ASIC2: variants seen among roughly 807,000 people sequenced by gnomAD.
The protein encoded by ASIC2 is acid-sensing ion channel 2.
ASIC2 carries 25 observed loss-of-function variants against 57.3 expected under a neutral mutation model. The ratio of observed to expected loss-of-function variants is 0.44; its 90% CI spans 0.32 to 0.61. The LOEUF (loss-of-function observed/expected upper bound fraction) is 0.61, where lower values mean the gene tolerates loss of function less well. Ranked by LOEUF, ASIC2 falls within the 20% of genes least tolerant of loss-of-function variation. The pLI, the probability that ASIC2 is intolerant of heterozygous loss-of-function variation, is 0.06. For missense variants in ASIC2, 641 were observed against 738.1 expected, an observed-to-expected ratio of 0.87 and a Z score of 1.52; for synonymous variants, 319 against 307.5, an observed-to-expected ratio of 1.04 and a Z score of -0.39.
chr17:33,613,173 C>T (rs766145497), intron 1 of ASIC2, among the ~76,000 whole-genome samples: 6 of 152,064 alleles, frequency 3.9e-5, no homozygotes, highest in African/African-American at 1.4e-4. Context: ...ACATGGACTA[C>T]GATTTCCCGG....
chr17:33,429,868 A>AG (rs990850863), intron 1 of ASIC2, among the ~76,000 whole-genome samples: 15 of 152,176 alleles, frequency 9.9e-5, no homozygotes, highest in African/African-American at 3.6e-4. Flanking sequence ...ACCATGGCTA[A>AG]GGGGGGTGGC....
intron 1 of ASIC2, among the ~76,000 whole-genome samples, chr17:33,776,680 G>C (rs1911291286): frequency 6.6e-6 from 1 of 152,174 alleles, no homozygotes; most frequent in African/African-American, 2.4e-5. Flanking sequence ...GGGGGGTCCA[G>C]TGTGGTGCTG....
At position 33,779,725 on chromosome 17, in the gene ASIC2, A is replaced by G. The variant is rs187338260; in HGVS notation, c.555+376253T>C. ...GGGTTTTAGTGGGATAATAATAACAACAGCAAAACAACAGCAGCAGCAACT... is the reference window on the plus strand; with the variant it reads ...GGGTTTTAGTGGGATAATAATAACAGCAGCAAAACAACAGCAGCAGCAACT... On this transcript the variant is annotated intron_variant, in intron 1 of 9. Transcript: ENST00000359872. Among the ~76,000 whole-genome samples the G allele has an allele frequency of 2.4e-4, 36 of 152,316 alleles. No individual in the cohort carries two copies. In the East Asian group the frequency reaches 4.1e-3, roughly 17 times the overall value.
In ASIC2 at chr17:33,998,196, C is replaced by T. The variant is rs143954386; in HGVS notation, c.555+157782G>A. Among the ~76,000 whole-genome samples the T allele has an allele frequency of 3.9e-5, 6 of 152,142 alleles. No homozygotes were observed. In the East Asian group the frequency reaches 1.2e-3, roughly 29 times the overall value. On this transcript the variant is annotated intron_variant, in intron 1 of 9. Coordinates refer to the ASIC2 transcript ENST00000359872. ...TTGGCATGTAATTGCTCATAGTACTCCCTTATGATCCTTTGTATTTCTGCA... is the reference window on the plus strand; with the variant it reads ...TTGGCATGTAATTGCTCATAGTACTTCCTTATGATCCTTTGTATTTCTGCA...
chr17:33,777,123 G>A (rs948043409), intron 1 of ASIC2, among the ~76,000 whole-genome samples: 1 of 152,188 alleles, frequency 6.6e-6, no homozygotes, highest in Non-Finnish European at 1.5e-5. Context: ...GTAAGCTGGC[G>A]CCCGCTGATC....
chr17:33,206,668 C>T (rs1352269258), intron 1 of ASIC2, among the ~76,000 whole-genome samples: 1 of 152,010 alleles, frequency 6.6e-6, no homozygotes, highest in Non-Finnish European at 1.5e-5. Context: ...CTTCCATGGC[C>T]CTGGTCTCTG....
chr17:33,108,880 C>A (rs951971390), intron 2 of ASIC2, among the ~76,000 whole-genome samples: 1 of 151,158 alleles, frequency 6.6e-6, no homozygotes, highest in Non-Finnish European at 1.5e-5. Flanking sequence ...TAGTATGACC[C>A]GAGGAATATG....
At chr17:33,503,268 T>A (rs2141943374) in intron 1 of ASIC2, among the ~76,000 whole-genome samples, 1 of 152,348 alleles carries the variant, frequency 6.6e-6, no homozygotes, top group Middle Eastern at 3.4e-3. Flanking sequence ...CAAGTGGGTT[T>A]ATTACAGGCA....
intron 1 of ASIC2, among the ~76,000 whole-genome samples, chr17:33,724,580 C>T (rs1909487648): frequency 6.6e-6 from 1 of 152,078 alleles, no homozygotes; most frequent in Admixed American, 6.5e-5. Flanking sequence ...GATGGGATGC[C>T]AGGACAATTG....
intron 1 of ASIC2, among the ~76,000 whole-genome samples, chr17:33,483,875 C>A (rs1913493178): frequency 6.6e-6 from 1 of 152,144 alleles, no homozygotes; most frequent in Admixed American, 6.5e-5. Flanking sequence ...CATTAAAGAT[C>A]TTGCCATGGG....
chr17:33,634,519 T>C (rs1010663757), intron 1 of ASIC2, among the ~76,000 whole-genome samples: 8 of 145,430 alleles, frequency 5.5e-5, no homozygotes, highest in Admixed American at 3.4e-4. Context: ...TTTTTCTTTT[T>C]TTTTTTTTTT....
chr17:34,012,585 G>T (rs976817099), intron 1 of ASIC2, among the ~76,000 whole-genome samples: 2 of 152,106 alleles, frequency 1.3e-5, no homozygotes, highest in African/African-American at 2.4e-5. Context: ...CCTTTAGAAA[G>T]GGTTAAATGC....
intron 1 of ASIC2, among the ~76,000 whole-genome samples, chr17:33,948,856 A>G (rs923187417): frequency 1.1e-4 from 16 of 152,342 alleles, no homozygotes; most frequent in African/African-American, 3.8e-4. Flanking sequence ...GAAGGCAATG[A>G]CTTATAGCAG....
chr17:33,210,161 C>G (rs114909291), intron 1 of ASIC2, among the ~76,000 whole-genome samples: 1 of 152,178 alleles, frequency 6.6e-6, no homozygotes, highest in Admixed American at 6.5e-5. Flanking sequence ...ACCTCACAGA[C>G]ACCAGTGGAG....
chr17:33,392,647 C>A (rs943419856), intron 1 of ASIC2, among the ~76,000 whole-genome samples: 2 of 152,130 alleles, frequency 1.3e-5, no homozygotes, highest in African/African-American at 4.8e-5. Flanking sequence ...ATTATTACTT[C>A]TTCCACGGTG....
chr17:33,840,669 A>T (rs1055563034), intron 1 of ASIC2, among the ~76,000 whole-genome samples: 2 of 152,142 alleles, frequency 1.3e-5, no homozygotes, highest in African/African-American at 4.8e-5. Context: ...GTTTTAAGTA[A>T]GCTTTTGTTC....
At chr17:33,815,742 A>G (rs778797758) in intron 1 of ASIC2, among the ~76,000 whole-genome samples, 33 of 152,186 alleles carry the variant, frequency 2.2e-4, no homozygotes, top group Non-Finnish European at 4.7e-4. Context: ...TGTCCTTGCC[A>G]TTTCCATAGA....
intron 1 of ASIC2, among the ~76,000 whole-genome samples, chr17:33,844,792 G>A (rs1025477235): frequency 1.3e-5 from 2 of 152,126 alleles, no homozygotes; most frequent in South Asian, 4.2e-4. Context: ...GATTATATTA[G>A]CTACCAATAT....
At chr17:33,698,916 C>G (rs1908612209) in intron 1 of ASIC2, among the ~76,000 whole-genome samples, 1 of 152,072 alleles carries the variant, frequency 6.6e-6, no homozygotes, top group Non-Finnish European at 1.5e-5. Flanking sequence ...CAGATGCCCC[C>G]CCTCTGCTTT....
Sources: allele counts gnomAD v4.1 joint callset (sites outside exome capture counted in the v4.1 genomes callset), GRCh38; gene constraint gnomAD v4.1.1; transcripts MANE v1.5; gene names NCBI Gene and HGNC (gene_info 2026-07-23, HGNC 2026-07-21).